The following KCNB2 variants were observed in gnomAD, a reference collection of about 807,000 sequenced individuals.
KCNB2 encodes potassium voltage-gated channel subfamily B member 2.
Under a neutral mutation model 61.5 loss-of-function variants are expected in KCNB2, and 15 were observed. The ratio of observed to expected loss-of-function variants is 0.24; its 90% CI spans 0.16 to 0.38. The LOEUF is 0.38. Ranked by LOEUF, KCNB2 falls within the 10% of genes least tolerant of loss-of-function variation. The probability of loss-of-function intolerance (pLI) is 1.00; values close to 1 mark genes in which losing one functional copy is unlikely to be tolerated. For missense variants in KCNB2, 828 were observed against 1,125.2 expected, an observed-to-expected ratio of 0.74 and a Z score of 3.78; for synonymous variants, 457 against 446.0, an observed-to-expected ratio of 1.02 and a Z score of -0.31.
intron 2 of KCNB2, among the ~76,000 whole-genome samples, chr8:72,725,601 A>ATG (rs1554587084): frequency 4.0e-5 from 4 of 100,248 alleles, no homozygotes; most frequent in African/African-American, 7.1e-5. Context: ...GTATATATAT[A>ATG]TATATATATA....
intron 2 of KCNB2, among the ~76,000 whole-genome samples, chr8:72,913,930 G>A (rs1006177542): frequency 1.3e-5 from 2 of 152,164 alleles, no homozygotes; most frequent in African/African-American, 4.8e-5. Context: ...GTTTTGACTA[G>A]GAGAAAGAGT....
chr8:72,628,283 T>G (rs1805823324), intron 2 of KCNB2, among the ~76,000 whole-genome samples: 1 of 152,246 alleles, frequency 6.6e-6, no homozygotes, highest in Non-Finnish European at 1.5e-5. Context: ...TCCATTTTTC[T>G]GATGAGTCCT....
chr8:72,600,204 C>A (rs565223020), intron 2 of KCNB2, among the ~76,000 whole-genome samples: 336 of 152,186 alleles, frequency 2.2e-3, no homozygotes, highest in African/African-American at 7.7e-3. Flanking sequence ...AAATGTCCAA[C>A]AATGATAGAC....
At chr8:72,853,117 T>C (rs1256239317) in intron 2 of KCNB2, among the ~76,000 whole-genome samples, 1 of 152,224 alleles carries the variant, frequency 6.6e-6, no homozygotes, top group African/African-American at 2.4e-5. Context: ...GACAGCCACT[T>C]ATAGTAAATA....
At chr8:72,776,381 C>A (rs182313973) in intron 2 of KCNB2, among the ~76,000 whole-genome samples, 1 of 151,978 alleles carries the variant, frequency 6.6e-6, no homozygotes, top group South Asian at 2.1e-4. Context: ...GCACATGTAC[C>A]CTAGAACTTA....
intron 2 of KCNB2, among the ~76,000 whole-genome samples, chr8:72,769,384 A>G (rs558831164): frequency 6.6e-6 from 1 of 152,236 alleles, no homozygotes; most frequent in Non-Finnish European, 1.5e-5. Context: ...ATTAACCATA[A>G]TTTCTATCCA....
chr8:72,590,812 G>A (rs1807086176), intron 2 of KCNB2, among the ~76,000 whole-genome samples: 4 of 152,224 alleles, frequency 2.6e-5, no homozygotes, highest in African/African-American at 7.2e-5. Flanking sequence ...GGATTCATTC[G>A]ATTTCTCAGG....
intron 2 of KCNB2, among the ~76,000 whole-genome samples, chr8:72,570,801 A>C (rs1302706794): frequency 6.6e-6 from 1 of 152,092 alleles, no homozygotes; most frequent in African/African-American, 2.4e-5. Context: ...CTTGCTGAGG[A>C]GGTAAGATAG....
chr8:72,854,565 C>T (rs1354582122), intron 2 of KCNB2, among the ~76,000 whole-genome samples: 1 of 152,100 alleles, frequency 6.6e-6, no homozygotes, highest in Non-Finnish European at 1.5e-5. Context: ...ATATACGACA[C>T]CTGCCCTCTT....
chr8:72,680,048 A>G (rs1253744150), intron 2 of KCNB2, among the ~76,000 whole-genome samples: 2 of 152,230 alleles, frequency 1.3e-5, no homozygotes, highest in Non-Finnish European at 2.9e-5. Context: ...AAGTTTTACT[A>G]TGGTGTCACT....
intron 2 of KCNB2, among the ~76,000 whole-genome samples, chr8:72,652,698 C>T (rs1436127320): frequency 2.6e-5 from 4 of 152,074 alleles, no homozygotes; most frequent in Non-Finnish European, 5.9e-5. Flanking sequence ...GACTGGTGCG[C>T]TGCCATGCTG....
In KCNB2 at chr8:72,782,067, C is replaced by G. The variant is rs567975158; in HGVS notation, c.580-153868C>G. On this transcript the variant is annotated intron_variant, in intron 2 of 2. Transcript: ENST00000523207. ...GCAAACCACCATGGCACACATTTAC[C>G]TATGTAACAAACATGCACATCCTGC... Among the ~76,000 whole-genome samples the G allele has an allele frequency of 4.5e-4, 69 of 152,186 alleles. 1 individual carries two copies. Among genetic ancestry groups the G allele is most frequent in the Admixed American group, 2.0e-3 (31 of 15,280 alleles).
chr8:72,904,662 T>C (rs1445380377), intron 2 of KCNB2, among the ~76,000 whole-genome samples: 1 of 152,188 alleles, frequency 6.6e-6, no homozygotes. Flanking sequence ...TTTATTTTTT[T>C]AATTTTTTTA....
intron 2 of KCNB2, among the ~76,000 whole-genome samples, chr8:72,678,223 G>C (rs545167030): frequency 6.6e-6 from 1 of 152,116 alleles, no homozygotes; most frequent in Non-Finnish European, 1.5e-5. Flanking sequence ...CTCTTAACTC[G>C]TTTATTGCAA....
At chr8:72,850,592 A>G (rs1347571832) in intron 2 of KCNB2, among the ~76,000 whole-genome samples, 5 of 152,102 alleles carry the variant, frequency 3.3e-5, no homozygotes, top group Admixed American at 3.3e-4. Context: ...ATGGTGAACA[A>G]CTCAGATTCT....
At chr8:72,693,722 TG>T in intron 2 of KCNB2, among the ~76,000 whole-genome samples, 1 of 152,316 alleles carries the variant, frequency 6.6e-6, no homozygotes, top group Middle Eastern at 3.4e-3. Flanking sequence ...TAGTTTGGGC[TG>T]GATGTGCCCT....
chr8:72,671,376 A>G (rs1806561700), intron 2 of KCNB2, among the ~76,000 whole-genome samples: 2 of 152,190 alleles, frequency 1.3e-5, no homozygotes, highest in African/African-American at 4.8e-5. Flanking sequence ...AGCCTGCAAA[A>G]CCTTGATTCT....
chr8:72,825,601 A>G (rs978343163), intron 2 of KCNB2, among the ~76,000 whole-genome samples: 1 of 152,130 alleles, frequency 6.6e-6, no homozygotes, highest in Non-Finnish European at 1.5e-5. Context: ...ATGGGTGTGA[A>G]GTGGTATCTC....
intron 2 of KCNB2, among the ~76,000 whole-genome samples, chr8:72,728,716 G>A (rs1013283780): frequency 1.9e-4 from 29 of 152,170 alleles, no homozygotes; most frequent in Admixed American, 3.3e-4. Flanking sequence ...AGAGGGGAGG[G>A]AAAGTAATAC....
Sources: allele counts gnomAD v4.1 joint callset (sites outside exome capture counted in the v4.1 genomes callset), GRCh38; gene constraint gnomAD v4.1.1; transcripts MANE v1.5; gene names NCBI Gene and HGNC (gene_info 2026-07-23, HGNC 2026-07-21).